CAMK2D: variants seen among roughly 807,000 people sequenced by gnomAD.
CAMK2D encodes the protein calcium/calmodulin dependent protein kinase II delta.
In CAMK2D, 37 loss-of-function variants were observed where a neutral mutation model predicts 84.0. The observed-to-expected ratio is 0.44, with a 90% CI of 0.34 to 0.58. The LOEUF is 0.58. Ranked by LOEUF, CAMK2D falls within the 20% of genes least tolerant of loss-of-function variation. The pLI is 0.02. For missense variants in CAMK2D, 448 were observed against 652.5 expected, an observed-to-expected ratio of 0.69 and a Z score of 3.41; for synonymous variants, 202 against 212.5, an observed-to-expected ratio of 0.95 and a Z score of 0.43.
Position 113,525,133 on chromosome 4 carries a change from CAAGAA to C in CAMK2D, c.601+6078_601+6082del, listed in dbSNP as rs2098406488. Among the ~76,000 whole-genome samples, 3 of 152,116 alleles carry C rather than the reference CAAGAA, an allele frequency of 2.0e-5. No homozygotes were observed. In the South Asian group the frequency reaches 6.2e-4, roughly 32 times the overall value. ...CATTGCTGAACCTAAATTCACCACACAAGAAAAGAAGAAACATATTCCATAAAATT... is the reference window on the plus strand; with the variant it reads ...CATTGCTGAACCTAAATTCACCACACAAGAAGAAACATATTCCATAAAATT... On this transcript the variant is annotated intron_variant, in intron 8 of 20. Transcript: ENST00000511664.
intron 4 of CAMK2D, among the ~76,000 whole-genome samples, chr4:113,562,924 A>G (rs1418391455): frequency 6.6e-6 from 1 of 152,232 alleles, no homozygotes; most frequent in African/African-American, 2.4e-5. Context: ...TCACTATTCA[A>G]CAATACAACA....
intron 2 of CAMK2D, among the ~76,000 whole-genome samples, chr4:113,697,922 A>G (rs904015729): frequency 2.0e-5 from 3 of 152,132 alleles, no homozygotes; most frequent in Non-Finnish European, 4.4e-5. Context: ...TCTGGATCAC[A>G]CAGGAGAAAT....
intron 2 of CAMK2D, among the ~76,000 whole-genome samples, chr4:113,716,609 C>G (rs2099514218): frequency 7.4e-6 from 1 of 135,348 alleles, no homozygotes; most frequent in Non-Finnish European, 1.5e-5. Flanking sequence ...TGAGATTATG[C>G]CACTGTACTC....
chr4:113,500,472 C>T lies in CAMK2D; in HGVS notation c.1126G>A (p.Asp376Asn). ...ESSNTTIEDE[D>N]VKARKQEIIK... ...TCTGGTTAAATCATACCTTTCACATCTTCATCCTCAATTGTTGTATTTGAA... is the reference window on the plus strand; with the variant it reads ...TCTGGTTAAATCATACCTTTCACATTTTCATCCTCAATTGTTGTATTTGAA... The change falls in exon 16 of 21, where the codon GAT (aspartate) becomes AAT (asparagine). Residue 376 changes from aspartate to asparagine, a missense_variant. Physicochemically the swap from Asp to Asn is conservative, Grantham distance 23. Transcript: ENST00000511664. 6.3e-7 allele frequency: 1 copy of T among 1,594,236 alleles called. No individual in the cohort carries two copies. The highest frequency in any genetic ancestry group is 2.2e-5 in the East Asian group (1 of 44,526).
intron 16 of CAMK2D, among the ~76,000 whole-genome samples, chr4:113,479,575 TAAAAG>T (rs1207689212): frequency 6.6e-6 from 1 of 152,132 alleles, no homozygotes; most frequent in Non-Finnish European, 1.5e-5. Flanking sequence ...CATAATGAGT[TAAAAG>T]AACACCGTCA....
chr4:113,708,612 G>A (rs2099472248), intron 2 of CAMK2D, among the ~76,000 whole-genome samples: 2 of 152,186 alleles, frequency 1.3e-5, no homozygotes, highest in South Asian at 4.2e-4. Flanking sequence ...TCAGCTGTAG[G>A]AATAATCTTT....
intron 4 of CAMK2D, among the ~76,000 whole-genome samples, chr4:113,568,264 C>T (rs1177981938): frequency 1.3e-5 from 2 of 152,176 alleles, no homozygotes; most frequent in Non-Finnish European, 2.9e-5. Context: ...GTAACTGTCA[C>T]TCTACTGTCT....
chr4:113,647,757 A>G (rs1385634721), intron 3 of CAMK2D, among the ~76,000 whole-genome samples: 6 of 152,264 alleles, frequency 3.9e-5, no homozygotes, highest in Admixed American at 2.6e-4. Context: ...AAATGGTTCC[A>G]TCTCTTTTCT....
intron 11 of CAMK2D, 109 bp downstream of exon 11, chr4:113,513,721 T>C (rs1166486285): frequency 1.4e-5 from 9 of 629,692 alleles, no homozygotes; most frequent in South Asian, 4.0e-5. Context: ...AATGAGAGTA[T>C]TGAGGTCTAC....
chr4:113,755,159 A>T (rs1175538894), intron 2 of CAMK2D: 1 of 452,690 alleles, frequency 2.2e-6, no homozygotes, highest in East Asian at 1.7e-4. Flanking sequence ...ACATCAAAAA[A>T]GGTTACTTAG....
At chr4:113,661,980 G>A (rs140587101) in intron 2 of CAMK2D, among the ~76,000 whole-genome samples, 10 of 152,240 alleles carry the variant, frequency 6.6e-5, no homozygotes, top group Non-Finnish European at 1.0e-4. Flanking sequence ...GCTTGACAGA[G>A]TGCAGTATAG....
intron 2 of CAMK2D, among the ~76,000 whole-genome samples, chr4:113,740,767 T>C (rs923611565): frequency 5.9e-5 from 9 of 152,054 alleles, no homozygotes; most frequent in African/African-American, 2.2e-4. Context: ...CCAAAATCCA[T>C]CCTTCTCACT....
At chr4:113,560,512 C>T (rs968754756) in intron 4 of CAMK2D, among the ~76,000 whole-genome samples, 1 of 152,116 alleles carries the variant, frequency 6.6e-6, no homozygotes, top group African/African-American at 2.4e-5. Context: ...TCCTTAAGAC[C>T]TAGCAAATCC....
chr4:113,594,632 T>C (rs2098915339), intron 4 of CAMK2D, among the ~76,000 whole-genome samples: 1 of 151,838 alleles, frequency 6.6e-6, no homozygotes, highest in Admixed American at 6.6e-5. Context: ...ACCAGAAAAA[T>C]GGAGAATGTC....
Position 113,661,790 on chromosome 4 carries a change from A to G in CAMK2D, c.161-18T>C. The G allele has an allele frequency of 7.5e-7, 1 of 1,337,276 alleles. No individual in the cohort carries two copies. The highest frequency in any genetic ancestry group is 1.0e-6 in the Non-Finnish European group (1 of 974,206). 82.8% of individuals were successfully genotyped at this position (1,337,276 alleles called of 1,614,324 possible). ...CTGATGATCTGTTAAAAAAAAAAACAGAATAAGGCAAAAATAAAGCAAAAA... is the reference window on the plus strand; with the variant it reads ...CTGATGATCTGTTAAAAAAAAAAACGGAATAAGGCAAAAATAAAGCAAAAA... On this transcript the variant is annotated intron_variant, in intron 2 of 20. Transcript: ENST00000511664.
chr4:113,754,084 G>T, intron 2 of CAMK2D: 9 of 864,410 alleles, frequency 1.0e-5, no homozygotes, highest in Non-Finnish European at 1.2e-5. Flanking sequence ...TCTATAAAGT[G>T]ATTTGAAATA....
chr4:113,538,729 T>C (rs6533698), intron 6 of CAMK2D, among the ~76,000 whole-genome samples: 30,452 of 152,172 alleles, frequency 0.2, 3,285 homozygotes, highest in Middle Eastern at 0.27. Context: ...GTATCTAATT[T>C]ATTAATTAAG....
At chr4:113,661,157 T>A (rs2099230076) in intron 3 of CAMK2D, among the ~76,000 whole-genome samples, 1 of 152,204 alleles carries the variant, frequency 6.6e-6, no homozygotes. Context: ...TATATTATTT[T>A]TTGAAGTGTT....
chr4:113,706,824 C>T (rs888533870), intron 2 of CAMK2D, among the ~76,000 whole-genome samples: 19 of 152,274 alleles, frequency 1.2e-4, no homozygotes, highest in Non-Finnish European at 1.8e-4. Flanking sequence ...CAGACAGTTG[C>T]ATTATCAACC....
Sources: allele counts gnomAD v4.1 joint callset (sites outside exome capture counted in the v4.1 genomes callset), GRCh38; gene constraint gnomAD v4.1.1; transcripts MANE v1.5; gene names NCBI Gene and HGNC (gene_info 2026-07-23, HGNC 2026-07-21).